KRT25: variants seen among roughly 807,000 people sequenced by gnomAD.
The protein encoded by KRT25 is keratin 25.
KRT25 carries 37 observed loss-of-function variants against 47.6 expected under a neutral mutation model. The ratio of observed to expected loss-of-function variants is 0.78; its 90% CI spans 0.60 to 1.02. The LOEUF is 1.02. Among genes scored for constraint, KRT25 ranks in the 50% least tolerant of loss-of-function variants. The pLI is 0.00. For missense variants in KRT25, 542 were observed against 550.3 expected, an observed-to-expected ratio of 0.98 and a Z score of 0.15; for synonymous variants, 203 against 210.2, an observed-to-expected ratio of 0.97 and a Z score of 0.30.
rs1460394929 is a variant in KRT25 at position 40,750,819 on chromosome 17, A to G, written c.957+135T>C. Reference sequence around the variant, plus strand: ...TGTAGTTTTAGGTGTCAGCTATACAATCCTATTCTTTCCTTATGTTTTGAG... The same window carrying G: ...TGTAGTTTTAGGTGTCAGCTATACAGTCCTATTCTTTCCTTATGTTTTGAG... On this transcript the variant is annotated intron_variant, in intron 5 of 7. Coordinates refer to ENST00000312150, the MANE Select transcript of KRT25 (RefSeq NM_181534.4). 7 of 1,285,644 alleles carry G rather than the reference A, an allele frequency of 5.4e-6. No homozygotes were observed. In the Admixed American group the frequency reaches 1.5e-4, roughly 28 times the overall value. The allele number at this position is 1,285,644 out of a possible 1,614,324, so 79.6% of individuals were successfully genotyped here. A position where few individuals can be genotyped will look rare whatever the true frequency, so the allele number is the denominator to read the frequency against.
chr17:40,754,718 CAAAAAAAA>C (rs33924883), intron 1 of KRT25, 117 bp downstream of exon 1: 5 of 603,918 alleles, frequency 8.3e-6, no homozygotes, highest in Non-Finnish European at 1.2e-5. Context: ...AACTCCTTCT[CAAAAAAAA>C]AAAAAAAAAA....
chr17:40,750,945 T>G lies in KRT25; in HGVS notation c.957+9A>C. On this transcript the variant is annotated intron_variant, in intron 5 of 7. Coordinates refer to ENST00000312150, the MANE Select transcript of KRT25 (RefSeq NM_181534.4). ...GGGAGATGGTGAAAAAAAATTGTTC[T>G]TTTCATACCGTGGCTAGGAGAGACT... 1.2e-6 allele frequency: 2 copies of G among 1,613,492 alleles called. No homozygotes were observed. The highest frequency in any genetic ancestry group is 1.7e-6 in the Non-Finnish European group (2 of 1,179,520).
chr17:40,755,046 A>C lies in KRT25; in HGVS notation c.226T>G (p.Ser76Ala), dbSNP rs752393747. ...TGCATGGTCACCTTCTCATTGCCAG[A>C]AAGGAGCCCCCGCTCATTCACAGTG... ...GFTVNERGLL[S>A]GNEKVTMQNL... Residue 76 changes from serine to alanine, a missense_variant, in exon 1 of 8, where the codon TCT (serine) becomes GCT (alanine). Physicochemically the swap from Ser to Ala is moderately conservative, Grantham distance 99. Transcript: ENST00000312150. 1.2e-6 allele frequency: 2 copies of C among 1,614,034 alleles called. No individual in the cohort carries two copies. The highest frequency in any genetic ancestry group is 2.7e-5 in the African/African-American group (2 of 74,926).
chr17:40,752,292 A>C (rs537517300), intron 3 of KRT25, among the ~76,000 whole-genome samples: 7 of 152,286 alleles, frequency 4.6e-5, no homozygotes, highest in Non-Finnish European at 8.8e-5. Context: ...TCTGAACTGC[A>C]AGCTGTTAGA....
chr17:40,754,070 C>T, intron 2 of KRT25, 54 bp from the exon 3 acceptor site: 1 of 1,531,300 alleles, frequency 6.5e-7, no homozygotes, highest in South Asian at 1.1e-5. Flanking sequence ...GACATAGTCA[C>T]TAGTCACTGA....
chr17:40,750,871 A>C, intron 5 of KRT25, 83 bp downstream of exon 5: 2 of 1,485,654 alleles, frequency 1.3e-6, no homozygotes, highest in Non-Finnish European at 1.8e-6. Context: ...ATATTTCAAT[A>C]TTGTTAAGGT....
Position 40,751,204 on chromosome 17 carries a change from C to T in KRT25, c.792G>A (p.Glu264=). ...NMRAEYEALA[E]QNRRDAEAWF... is the part of the protein sequence containing the mutation. The stretch of plus-strand genomic sequence containing the variant: ...AGGCCTCCGCGTCCCTGCGGTTCTG[C>T]TCTGCAAGGGCTTCGTACTCAGCTC... Residue 264 remains glutamate, a synonymous_variant, in exon 4 of 8, where the codon GAG becomes GAA. Coordinates refer to ENST00000312150, the MANE Select transcript of KRT25 (RefSeq NM_181534.4). The T allele has an allele frequency of 2.5e-6, 4 of 1,614,226 alleles. No homozygotes were observed. Among genetic ancestry groups the T allele is most frequent in the Non-Finnish European group, 3.4e-6 (4 of 1,180,040 alleles).
chr17:40,749,365 C>A (rs745308107), intron 6 of KRT25, 40 bp from the exon 7 acceptor site: 5 of 1,398,596 alleles, frequency 3.6e-6, no homozygotes, highest in African/African-American at 1.4e-5. Context: ...TAGAGAGAAC[C>A]CCATCAATTC....
chr17:40,753,828 G>T (rs1426481586), intron 3 of KRT25, 32 bp downstream of exon 3: 1 of 1,595,430 alleles, frequency 6.3e-7, no homozygotes. Flanking sequence ...TGTCTGCGGA[G>T]GGATAGCAAA....
intron 3 of KRT25, among the ~76,000 whole-genome samples, chr17:40,751,883 C>CGTGCGTGCGT (rs367732127): frequency 6.7e-6 from 1 of 148,920 alleles, no homozygotes; most frequent in African/African-American, 2.5e-5. Context: ...TGTGTGCGTG[C>CGTGCGTGCGT]GTGTGTGTGT....
At position 40,751,170 on chromosome 17, in the gene KRT25, C is replaced by T; in HGVS notation, c.826G>A (p.Glu276Lys). The T allele has an allele frequency of 3.1e-6, 5 of 1,614,074 alleles. No homozygotes were observed. The highest frequency in any genetic ancestry group is 4.2e-6 in the Non-Finnish European group (5 of 1,179,976). The change falls in exon 4 of 8, where the codon GAG becomes AAG. Residue 276 changes from glutamate to lysine, a missense_variant. Physicochemically the swap from Glu to Lys is moderately conservative, Grantham distance 56 (BLOSUM62 1). Transcript: ENST00000312150. ...NRRDAEAWFNEKSASLQQQIS... is the reference protein window; with the variant it reads ...NRRDAEAWFNKKSASLQQQIS... The stretch of plus-strand genomic sequence containing the variant: ...GTTTTCTGGAGGAGAGTCACCTTCT[C>T]GTTGAACCAGGCCTCCGCGTCCCTG...
intron 3 of KRT25, among the ~76,000 whole-genome samples, chr17:40,752,128 C>G (rs1026391407): frequency 1.3e-5 from 2 of 152,078 alleles, no homozygotes; most frequent in Admixed American, 6.6e-5. Context: ...AAACCCTTCT[C>G]TGAGTTGTTA....
rs749585330 is a variant in KRT25 at position 40,748,240 on chromosome 17, G to T, written c.*37C>A. On this transcript the variant is annotated 3_prime_UTR_variant, in exon 8 of 8. Coordinates refer to ENST00000312150, the MANE Select transcript of KRT25 (RefSeq NM_181534.4). The stretch of plus-strand genomic sequence containing the variant: ...AGATACATAATGCCTTTTCTTCGCA[G>T]GGGCTATGTGGCATACGTTCTCTGT... The T allele has an allele frequency of 7.4e-7, 1 of 1,346,010 alleles. No homozygotes were observed. The highest frequency in any genetic ancestry group is 2.0e-5 in the Admixed American group (1 of 48,900). The allele number at this position is 1,346,010 out of a possible 1,614,324, so 83.4% of individuals were successfully genotyped here. A position where few individuals can be genotyped will look rare whatever the true frequency, so the allele number is the denominator to read the frequency against.
chr17:40,750,593 T>G lies in KRT25; in HGVS notation c.962A>C (p.His321Pro). The change falls in exon 6 of 8, where the codon CAC becomes CCC. Residue 321 changes from histidine (H) to proline (P), a missense_variant. By Grantham distance (77) the His-to-Pro change is moderately conservative (BLOSUM62 -2). Coordinates refer to ENST00000312150, the MANE Select transcript of KRT25 (RefSeq NM_181534.4). Reference protein sequence around the residue: ...IELQSLLATKHSLECSLTETE... With the variant: ...IELQSLLATKPSLECSLTETE... ...CTCTGTCAAGGAGCACTCCAGGGAG[T>G]GTTTCTGTCAGGAAGCAATAAAGAG... 4.3e-6 allele frequency: 7 copies of G among 1,613,872 alleles called. No individual in the cohort carries two copies. The highest frequency in any genetic ancestry group is 5.9e-6 in the Non-Finnish European group (7 of 1,179,824).
chr17:40,750,171 G>A (rs562114325), intron 6 of KRT25, among the ~76,000 whole-genome samples: 6 of 152,242 alleles, frequency 3.9e-5, no homozygotes, highest in Non-Finnish European at 7.4e-5. Context: ...TATTTTCAAT[G>A]TTCATATCTT....
chr17:40,752,622 A>ATATATC lies in KRT25; in HGVS notation c.669+1232_669+1237dup, dbSNP rs566539973. ...AGATATATGTATATCATCTATATCT[A>ATATATC]TATATCTATATCTATATCTATATCT... is the stretch of plus-strand genomic sequence containing the variant. On this transcript the variant is annotated intron_variant, in intron 3 of 7. Transcript: ENST00000312150. 2.3e-3 allele frequency among the ~76,000 whole-genome samples: 351 copies of ATATATC among 152,330 alleles called. 1 individual carries two copies. The highest frequency in any genetic ancestry group is 0.02 in the South Asian group (95 of 4,830).
intron 3 of KRT25, among the ~76,000 whole-genome samples, chr17:40,751,893 T>C (rs199596728): frequency 0.3 from 45,260 of 150,568 alleles, 8,216 homozygotes; most frequent in East Asian, 0.64. Flanking sequence ...CGTGTGTGTG[T>C]GTGTGTGTGT....
intron 5 of KRT25, 58 bp from the exon 6 acceptor site, chr17:40,750,655 T>C: frequency 1.9e-6 from 3 of 1,601,876 alleles, no homozygotes; most frequent in Non-Finnish European, 2.6e-6. Context: ...AGGGATTTCT[T>C]TGATACATGA....
intron 6 of KRT25, among the ~76,000 whole-genome samples, chr17:40,750,006 G>C (rs1484429480): frequency 6.6e-6 from 1 of 152,150 alleles, no homozygotes; most frequent in African/African-American, 2.4e-5. Context: ...CTGAGCTCTA[G>C]ACATCCAGAC....
Sources: gnomAD v4.1 joint callset for allele counts (sites outside exome capture counted in the v4.1 genomes callset) on GRCh38, gnomAD v4.1.1 for gene constraint, MANE v1.5 for transcripts, NCBI Gene and HGNC (gene_info 2026-07-23, HGNC 2026-07-21) for gene names.